The following RNF17 variants were observed in gnomAD, a reference collection of about 807,000 sequenced individuals.
The protein encoded by RNF17 is ring finger protein 17, also known as spermatogenesis associated 23.
RNF17 carries 31 observed loss-of-function variants against 200.5 expected under a neutral mutation model. The ratio of observed to expected loss-of-function variants is 0.15; its 90% CI spans 0.12 to 0.21. The LOEUF (loss-of-function observed/expected upper bound fraction) is 0.21. Among genes scored for constraint, RNF17 ranks in the 10% least tolerant of loss-of-function variants. The pLI, the probability that RNF17 is intolerant of heterozygous loss-of-function variation, is 1.00. For synonymous variants in RNF17, 606 were observed against 637.8 expected (o/e 0.95, Z 0.75); for missense variants, 1,628 against 1,905.1 (o/e 0.85, Z 2.71).
chr13:24,787,204 A>G (rs1883226036), intron 6 of RNF17, among the ~76,000 whole-genome samples: 1 of 151,946 alleles, frequency 6.6e-6, no homozygotes, highest in South Asian at 2.1e-4. Flanking sequence ...TGATATTATC[A>G]TTTTGTCCCC....
chr13:24,854,516 A>G (rs1409834948), intron 25 of RNF17, among the ~76,000 whole-genome samples: 1 of 152,150 alleles, frequency 6.6e-6, no homozygotes, highest in Non-Finnish European at 1.5e-5. Flanking sequence ...AGTAAAGAAC[A>G]TACCAAGCTC....
At position 24,788,013 on chromosome 13, in the gene RNF17, G is replaced by A. The variant is rs777965784; in HGVS notation, c.637G>A (p.Ala213Thr). 3 of 1,561,778 alleles carry A rather than the reference G, an allele frequency of 1.9e-6. No individual in the cohort carries two copies. The highest frequency in any genetic ancestry group is 2.2e-5 in the Admixed American group (1 of 45,582). The change falls in exon 7 of 36, where the codon GCA becomes ACA. Residue 213 changes from alanine to threonine, a missense_variant. Transcript: ENST00000255324. ...SRKKNLCEEFARTTDDYLSNL... is the reference protein window; with the variant it reads ...SRKKNLCEEFTRTTDDYLSNL... ...GAAAAAGAACCTGTGTGAAGAATTT[G>A]CAAGAACTACTGATGATTATCTATC...
chr13:24,769,916 A>G (rs917934467), intron 2 of RNF17, among the ~76,000 whole-genome samples: 2 of 152,172 alleles, frequency 1.3e-5, no homozygotes, highest in Admixed American at 6.5e-5. Context: ...CTGCTCTGCT[A>G]TTGATTGATG....
Position 24,842,170 on chromosome 13 carries a change from A to AT in RNF17, c.2603+10dup. The stretch of plus-strand genomic sequence containing the variant: ...GCATCTTATGAAATAGGGTAAGTAG[A>AT]TATGTAAACTTTCATTGTTAGTTCA... On this transcript the variant is annotated intron_variant, in intron 19 of 35. Transcript: ENST00000255324. 1 of 1,579,630 alleles carries AT rather than the reference A, an allele frequency of 6.3e-7. No individual in the cohort carries two copies. The highest frequency in any genetic ancestry group is 8.6e-7 in the Non-Finnish European group (1 of 1,166,862).
intron 25 of RNF17, among the ~76,000 whole-genome samples, chr13:24,854,804 G>C (rs1892289672): frequency 6.6e-6 from 1 of 152,108 alleles, no homozygotes; most frequent in South Asian, 2.1e-4. Flanking sequence ...ATTTTTTGAA[G>C]TTACTATAAA....
At chr13:24,814,797 C>T (rs1887182681) in intron 15 of RNF17, among the ~76,000 whole-genome samples, 2 of 152,260 alleles carry the variant, frequency 1.3e-5, no homozygotes, top group East Asian at 3.9e-4. Context: ...AGTCTTCCAA[C>T]TTTGTTCTTT....
At chr13:24,836,909 C>T (rs1322335407) in intron 18 of RNF17, among the ~76,000 whole-genome samples, 1 of 152,098 alleles carries the variant, frequency 6.6e-6, no homozygotes. Flanking sequence ...TGCCTAAATG[C>T]TCACTTAAAA....
At chr13:24,796,930 C>A (rs776378473) in intron 11 of RNF17, among the ~76,000 whole-genome samples, 8 of 152,244 alleles carry the variant, frequency 5.3e-5, no homozygotes, top group South Asian at 4.1e-4. Flanking sequence ...ATAACTAATA[C>A]AGAAAGTGTT....
At chr13:24,767,658 G>A (rs1879917190) in intron 2 of RNF17, among the ~76,000 whole-genome samples, 2 of 150,394 alleles carry the variant, frequency 1.3e-5, no homozygotes, top group African/African-American at 2.4e-5. Context: ...TGAAGCAGGA[G>A]AATCGCTTGA....
intron 15 of RNF17, among the ~76,000 whole-genome samples, chr13:24,805,580 T>G (rs960398274): frequency 6.6e-6 from 1 of 152,250 alleles, no homozygotes; most frequent in African/African-American, 2.4e-5. Context: ...TATACTACAT[T>G]TTGTTTATCC....
intron 15 of RNF17, among the ~76,000 whole-genome samples, chr13:24,825,154 A>G (rs1888484795): frequency 6.6e-6 from 1 of 152,184 alleles, no homozygotes; most frequent in Non-Finnish European, 1.5e-5. Flanking sequence ...CTAGATTATA[A>G]AAGTGTTATG....
chr13:24,884,203 G>C, downstream of RNF17: 1 of 1,614,140 alleles, frequency 6.2e-7, no homozygotes, highest in Non-Finnish European at 8.5e-7. Flanking sequence ...AGTCCCTCCG[G>C]GTATGTCGTG....
intron 1 of RNF17, 101 bp from the exon 2 acceptor site, chr13:24,767,171 G>A (rs1424766161): frequency 4.0e-6 from 3 of 744,394 alleles, no homozygotes; most frequent in African/African-American, 1.7e-5. Flanking sequence ...GGAGGCTGCA[G>A]TGAGCTGGTG....
intron 33 of RNF17, among the ~76,000 whole-genome samples, chr13:24,876,482 A>G (rs1894867186): frequency 6.6e-6 from 1 of 152,202 alleles, no homozygotes; most frequent in African/African-American, 2.4e-5. Context: ...TCTATGCTTA[A>G]TTTTTGAGGA....
chr13:24,788,140 C>T lies in RNF17; in HGVS notation c.764C>T (p.Thr255Ile). 1 of 1,586,536 alleles carries T rather than the reference C, an allele frequency of 6.3e-7. No individual in the cohort carries two copies. The highest frequency in any genetic ancestry group is 8.5e-7 in the Non-Finnish European group (1 of 1,172,492). ...RALQLSPSLR[T>I]YCDLNQIIRT... ...TTACAATTATCGCCTTCTCTAAGAA[C>T]ATACTGTGACCTGAATCAGGTAATT... Residue 255 changes from threonine (T) to isoleucine (I), a missense_variant, in exon 7 of 36, where the codon ACA becomes ATA. By Grantham distance (89) the Thr-to-Ile change is moderately conservative (BLOSUM62 -1). Transcript: ENST00000255324.
intron 23 of RNF17, among the ~76,000 whole-genome samples, chr13:24,851,099 C>T (rs1054451568): frequency 1.3e-5 from 2 of 152,104 alleles, no homozygotes; most frequent in Non-Finnish European, 2.9e-5. Context: ...GGTTCAAGAG[C>T]TTCTCCTGTC....
intron 27 of RNF17, among the ~76,000 whole-genome samples, chr13:24,862,008 G>C (rs9507422): frequency 0.41 from 61,915 of 151,604 alleles, 13,101 homozygotes; most frequent in South Asian, 0.51. Context: ...AAGGTTGCAG[G>C]AGAAAAAGAG....
Position 24,825,656 on chromosome 13 carries a change from T to C in RNF17, c.2129T>C (p.Ile710Thr), listed in dbSNP as rs749694031. The part of the protein sequence containing the change: ...GLDILFLLKT[I>T]EEFYKSEDGE... ...GATATTTTATTTCTATTAAAGACAA[T>C]CGAGGAATTCTATAAAAGTGAAGAT... Residue 710 changes from isoleucine (I) to threonine (T), a missense_variant, in exon 16 of 36, where the codon ATC becomes ACC. Ile to Thr is a moderately conservative substitution (Grantham distance 89). Transcript: ENST00000255324. 1.9e-6 allele frequency: 3 copies of C among 1,604,516 alleles called. No individual in the cohort carries two copies. The highest frequency in any genetic ancestry group is 2.6e-6 in the Non-Finnish European group (3 of 1,171,488).
chr13:24,750,940 G>C, the RNF17 span: 1 of 152,194 alleles, frequency 6.6e-6, no homozygotes, highest in East Asian at 1.9e-4. Context: ...ATCTGATGCT[G>C]TGTTTGGCTT....
Sources: gnomAD v4.1 joint callset for allele counts (sites outside exome capture counted in the v4.1 genomes callset) on GRCh38, gnomAD v4.1.1 for gene constraint, MANE v1.5 for transcripts, NCBI Gene and HGNC (gene_info 2026-07-23, HGNC 2026-07-21) for gene names.